The following HMCN1 variants were observed in gnomAD, a reference collection of about 807,000 sequenced individuals.
The protein encoded by HMCN1 is hemicentin 1, also known as hemicentin-1.
A neutral mutation model predicts 625.9 loss-of-function variants in HMCN1; 321 were observed. That is an observed-to-expected ratio of 0.51 (90% CI 0.47 to 0.56). The LOEUF (loss-of-function observed/expected upper bound fraction) is 0.56. Ranked by LOEUF, HMCN1 falls within the 20% of genes least tolerant of loss-of-function variation. The pLI, the probability that HMCN1 is intolerant of heterozygous loss-of-function variation, is 0.00. For missense variants in HMCN1, 6,588 were observed against 6,887.3 expected (o/e 0.96, Z 1.54); for synonymous variants, 2,425 against 2,417.6 (o/e 1.00, Z -0.09).
At chr1:185,973,191 A>G (rs1650950555) in intron 15 of HMCN1, among the ~76,000 whole-genome samples, 1 of 152,186 alleles carries the variant, frequency 6.6e-6, no homozygotes, top group Non-Finnish European at 1.5e-5. Context: ...CACCCAGCAT[A>G]TCAGCTGTTA....
chr1:185,934,490 T>C (rs1667715613), intron 11 of HMCN1, among the ~76,000 whole-genome samples: 1 of 152,192 alleles, frequency 6.6e-6, no homozygotes, highest in African/African-American at 2.4e-5. Flanking sequence ...CTACTAAATA[T>C]ATATTGTTCA....
Position 186,108,584 on chromosome 1 carries a change from G to A in HMCN1, c.10976G>A (p.Gly3659Glu). The A allele has an allele frequency of 6.2e-7, 1 of 1,614,082 alleles. No homozygotes were observed. Among genetic ancestry groups the A allele is most frequent in the Non-Finnish European group, 8.5e-7 (1 of 1,179,990 alleles). The change falls in exon 71 of 107, where the codon GGA becomes GAA. Residue 3659 changes from glycine (G) to glutamate (E), a missense_variant. This residue lies in a region of HMCN1 where 4,628 missense variants were observed against 4,853.1 expected (regional missense o/e 0.95). Transcript: ENST00000271588. ...CCTGTAATTACTTGGCTCAGAAATGGAGAACGGTTACAGGTAAATTTTTTG... is the reference window on the plus strand; with the variant it reads ...CCTGTAATTACTTGGCTCAGAAATGAAGAACGGTTACAGGTAAATTTTTTG... ...PPPVITWLRN[G>E]ERLQATPRVR...
chr1:185,742,986 C>T (rs1056519110), intron 1 of HMCN1, among the ~76,000 whole-genome samples: 1 of 152,134 alleles, frequency 6.6e-6, no homozygotes, highest in East Asian at 1.9e-4. Context: ...GTTTTTCCCC[C>T]CTTGTTAATT....
chr1:185,907,839 C>A (rs987053325), intron 4 of HMCN1, among the ~76,000 whole-genome samples: 1 of 151,542 alleles, frequency 6.6e-6, no homozygotes, highest in Non-Finnish European at 1.5e-5. Context: ...ATTTTACATA[C>A]ATTTTTTCAA....
intron 6 of HMCN1, among the ~76,000 whole-genome samples, chr1:185,912,247 C>T (rs906652393): frequency 2.5e-4 from 38 of 152,128 alleles, no homozygotes; most frequent in African/African-American, 8.9e-4. Flanking sequence ...CTGTCCTTTA[C>T]TTTACAGAAT....
At position 186,171,410 on chromosome 1, in the gene HMCN1, A is replaced by T. The variant is rs1191783680; in HGVS notation, c.15648A>T (p.Gly5216=). The T allele has an allele frequency of 1.9e-6, 3 of 1,613,520 alleles. No individual in the cohort carries two copies. In the Admixed American group the frequency reaches 5.0e-5, roughly 27 times the overall value. The change falls in exon 101 of 107, where the codon GGA becomes GGT. Residue 5216 remains glycine, a synonymous_variant. Coordinates refer to ENST00000271588, the MANE Select transcript of HMCN1 (RefSeq NM_031935.3). The part of the protein sequence containing the change: ...CFNAIGSFHC[G]CEPGYQLKGR... ...ATGCCATAGGAAGTTTCCATTGTGG[A>T]TGTGAACCTGGGTATCAGCTCAAAG...
In HMCN1 at chr1:186,108,468, T is replaced by C; in HGVS notation, c.10860T>C (p.Pro3620=). The C allele has an allele frequency of 6.2e-7, 1 of 1,614,118 alleles. No homozygotes were observed. The highest frequency in any genetic ancestry group is 1.1e-5 in the South Asian group (1 of 91,088). The change falls in exon 71 of 107, where the codon CCT becomes CCC. Residue 3620 remains proline (P), a synonymous_variant. Transcript: ENST00000271588. ...ATTTGTTCTCACACCCAGTACCTCC[T>C]AATATTGCTGGAACTGATGAGCCCC... ...KEYLVRVHVP[P]NIAGTDEPRD... is the part of the protein sequence containing the mutation.
chr1:185,880,740 A>G (rs1401762531), intron 4 of HMCN1, among the ~76,000 whole-genome samples: 1 of 152,226 alleles, frequency 6.6e-6, no homozygotes, highest in Non-Finnish European at 1.5e-5. Flanking sequence ...GTTTGAAGGA[A>G]TGAAATAGGG....
At chr1:185,935,798 T>C (rs1468736033) in intron 11 of HMCN1, among the ~76,000 whole-genome samples, 1 of 152,148 alleles carries the variant, frequency 6.6e-6, no homozygotes, top group East Asian at 1.9e-4. Flanking sequence ...TTTTGCTAAT[T>C]GTGGCTATCT....
At chr1:185,856,899 G>T (rs1662501705) in intron 2 of HMCN1, among the ~76,000 whole-genome samples, 1 of 152,116 alleles carries the variant, frequency 6.6e-6, no homozygotes, top group Non-Finnish European at 1.5e-5. Context: ...GGGTCTCTCT[G>T]GTCCATCATT....
chr1:186,182,343 G>A, intron 105 of HMCN1, 56 bp downstream of exon 105: 4 of 1,605,670 alleles, frequency 2.5e-6, no homozygotes, highest in Non-Finnish European at 3.4e-6. Flanking sequence ...CCAACAGAGA[G>A]TGTGAGAAGT....
chr1:185,741,222 A>G (rs1348843222), intron 1 of HMCN1, among the ~76,000 whole-genome samples: 1 of 152,094 alleles, frequency 6.6e-6, no homozygotes, highest in Admixed American at 6.5e-5. Context: ...ATTTTTCTTT[A>G]AAAATTACCC....
At chr1:186,094,046 A>C (rs572938501) in intron 66 of HMCN1, among the ~76,000 whole-genome samples, 1 of 152,144 alleles carries the variant, frequency 6.6e-6, no homozygotes, top group East Asian at 1.9e-4. Context: ...AAAAATATTC[A>C]CCTCTTAAAT....
intron 89 of HMCN1, among the ~76,000 whole-genome samples, chr1:186,138,640 T>G (rs1649770805): frequency 6.6e-6 from 1 of 152,194 alleles, no homozygotes; most frequent in Admixed American, 6.5e-5. Context: ...AAACAATGGC[T>G]GCTGACAGCT....
chr1:186,119,730 T>G lies in HMCN1; in HGVS notation c.11957-15T>G. ...TAGTGCTATTACTTCTTTTTGTTGATTGGTTTTTTTATAGAGCCTCCAGTC... is the reference window on the plus strand; with the variant it reads ...TAGTGCTATTACTTCTTTTTGTTGAGTGGTTTTTTTATAGAGCCTCCAGTC... On this transcript the variant is annotated splice_polypyrimidine_tract_variant and intron_variant, in intron 78 of 106. Transcript: ENST00000271588. The G allele has an allele frequency of 6.2e-7, 1 of 1,613,690 alleles. No individual in the cohort carries two copies. Among genetic ancestry groups the G allele is most frequent in the East Asian group, 2.2e-5 (1 of 44,862 alleles).
intron 1 of HMCN1, among the ~76,000 whole-genome samples, chr1:185,743,996 T>G (rs1367267436): frequency 4.2e-5 from 6 of 142,596 alleles, no homozygotes; most frequent in Non-Finnish European, 9.2e-5. Context: ...TTTTTTTTTT[T>G]TTTTTTTTTT....
At chr1:186,054,229 G>C (rs900405670) in intron 44 of HMCN1, among the ~76,000 whole-genome samples, 2 of 151,986 alleles carry the variant, frequency 1.3e-5, no homozygotes, top group Admixed American at 6.6e-5. Context: ...CAATGTGGCT[G>C]TAATTTTGTT....
chr1:186,028,184 G>T (rs11588924), intron 36 of HMCN1, among the ~76,000 whole-genome samples: 1 of 152,092 alleles, frequency 6.6e-6, no homozygotes, highest in Non-Finnish European at 1.5e-5. Context: ...GCAAAATCTA[G>T]CACACAATGT....
chr1:186,153,867 G>C lies in HMCN1; in HGVS notation c.15136G>C (p.Asp5046His), dbSNP rs775643955. The C allele has an allele frequency of 6.2e-7, 1 of 1,614,162 alleles. No individual in the cohort carries two copies. Among genetic ancestry groups the C allele is most frequent in the Admixed American group, 1.7e-5 (1 of 60,020 alleles). Residue 5046 changes from aspartate (D) to histidine (H), a missense_variant, in exon 97 of 107, where the codon GAT becomes CAT. Asp to His is a moderately conservative substitution (Grantham distance 81). Transcript: ENST00000271588. ...CACATGGAACCACACCGTTTTCTAT[G>C]ATCAGGCACAGGGAAGAATGCCTTT... ...PYTWNHTVFY[D>H]QAQGRMPFLV...
Sources: gnomAD v4.1 joint callset for allele counts (sites outside exome capture counted in the v4.1 genomes callset) on GRCh38, gnomAD v4.1.1 for gene constraint, gnomAD v4.1.1 regional missense constraint, MANE v1.5 for transcripts, NCBI Gene and HGNC (gene_info 2026-07-23, HGNC 2026-07-21) for gene names.